The following ZNF556 variants were observed in gnomAD, a reference collection of about 807,000 sequenced individuals.
ZNF556 encodes the protein zinc finger protein 556.
A neutral mutation model predicts 13.6 loss-of-function variants in ZNF556; 11 were observed. That is an observed-to-expected ratio of 0.81 (90% CI 0.51 to 1.33). ZNF556 has a LOEUF of 1.33. Ranked by LOEUF, ZNF556 falls within the 40% of genes most tolerant of loss-of-function variation. The pLI is 0.00. For missense variants in ZNF556, 633 were observed against 566.2 expected (o/e 1.12, Z -1.20); for synonymous variants, 229 against 207.8 (o/e 1.10, Z -0.88).
At position 2,878,086 on chromosome 19, in the gene ZNF556, G is replaced by T. The variant is rs45599940; in HGVS notation, c.1128G>T (p.Gly376=). The part of the protein sequence containing the change: ...REKVYKCETC[G]KTYGWSSSLH... ...AAGTCTATAAATGTGAAACGTGTGGGAAAACGTATGGTTGGTCCTCATCTT... is the reference window on the plus strand; with the variant it reads ...AAGTCTATAAATGTGAAACGTGTGGTAAAACGTATGGTTGGTCCTCATCTT... Residue 376 remains glycine (G), a synonymous_variant, in exon 4 of 4, where the codon GGG becomes GGT. Transcript: ENST00000307635. The T allele has an allele frequency of 1.3e-3, 2,081 of 1,614,152 alleles. 4 individuals carry two copies. Among genetic ancestry groups the T allele is most frequent in the Non-Finnish European group, 1.7e-3 (1,982 of 1,180,034 alleles).
intron 1 of ZNF556, among the ~76,000 whole-genome samples, chr19:2,871,723 A>G (rs2087804232): frequency 6.6e-6 from 1 of 152,212 alleles, no homozygotes; most frequent in Admixed American, 6.6e-5. Context: ...CCATGTGCAG[A>G]GACAAGAGAG....
intron 1 of ZNF556, among the ~76,000 whole-genome samples, chr19:2,867,889 G>A (rs2087770689): frequency 6.6e-6 from 1 of 152,166 alleles, no homozygotes; most frequent in Non-Finnish European, 1.5e-5. Flanking sequence ...TGACCCCAAA[G>A]GCCCGCAGGC....
chr19:2,882,531 A>ATATATATATATATAGTGTGT lies in ZNF556; in HGVS notation c.*4202_*4203insTATATATATATATAGTGTGT, dbSNP rs57053138. ...ATACATTTTATATATATATATATAT[A>ATATATATATATATAGTGTGT]GTGTGTGTGTGTGTGTGTGTGTGTG... is the stretch of plus-strand genomic sequence containing the variant. On this transcript the variant is annotated 3_prime_UTR_variant, in exon 4 of 4. Transcript: ENST00000307635. 15 of 127,718 alleles carry ATATATATATATATAGTGTGT rather than the reference A, an allele frequency of 1.2e-4. No homozygotes were observed. Among genetic ancestry groups the ATATATATATATATAGTGTGT allele is most frequent in the African/African-American group, 4.3e-4 (14 of 32,936 alleles). 7.9% of individuals were successfully genotyped at this position (127,718 alleles called of 1,614,324 possible). A position where few individuals can be genotyped will look rare whatever the true frequency, so the allele number is the denominator to read the frequency against.
At position 2,873,573 on chromosome 19, in the gene ZNF556, ACT is replaced by A; in HGVS notation, c.84_85del (p.Tyr29GlnfsTer16). On this transcript the variant is annotated frameshift_variant, in exon 2 of 4. Coordinates refer to ENST00000307635, the MANE Select transcript of ZNF556 (RefSeq NM_024967.3). LOFTEE classifies it high-confidence loss of function. ...WALLNPAQRKLYRDVMLETFK... is the reference protein window; with the variant it reads ...WALLNPAQRKXYRDVMLETFK... ...CCTTGCTGAATCCTGCTCAGAGAAA[ACT>A]CTACAGAGATGTCATGCTGGAGACC... The A allele has an allele frequency of 6.2e-7, 1 of 1,613,400 alleles. No homozygotes were observed. The highest frequency in any genetic ancestry group is 8.5e-7 in the Non-Finnish European group (1 of 1,179,828).
rs138093838 is a variant in ZNF556 at position 2,874,654 on chromosome 19, G to A, written c.130+1032G>A. ...AGCTACTTGGGAGGCTGAGGCAGCA[G>A]AATCCCTTGAACTCGGGAGGCAGTG... is the stretch of plus-strand genomic sequence containing the variant. On this transcript the variant is annotated intron_variant, in intron 2 of 3. Transcript: ENST00000307635. Among the ~76,000 whole-genome samples, 1,369 of 147,820 alleles carry A rather than the reference G, an allele frequency of 9.3e-3. 25 individuals carry two copies. The highest frequency in any genetic ancestry group is 0.033 in the African/African-American group (1,304 of 39,758).
intron 1 of ZNF556, 147 bp from the exon 2 acceptor site, chr19:2,873,349 A>G: frequency 1.1e-6 from 1 of 890,524 alleles, no homozygotes; most frequent in Non-Finnish European, 1.7e-6. Context: ...GTGATTACAG[A>G]CAGAGGGGAA....
chr19:2,867,883 C>T (rs986415585), intron 1 of ZNF556, among the ~76,000 whole-genome samples: 3 of 152,176 alleles, frequency 2.0e-5, no homozygotes, highest in African/African-American at 7.2e-5. Flanking sequence ...CTGGCCTGAC[C>T]CCAAAGGCCC....
rs879272035 is a variant in ZNF556, at chr19:2,876,719, C to CA, written c.314+455dup. On this transcript the variant is annotated intron_variant, in intron 3 of 3. Coordinates refer to ENST00000307635, the MANE Select transcript of ZNF556 (RefSeq NM_024967.3). ...TGGGCAACAGAGTGAGACTCTATCT[C>CA]AAAAAAAAAAAATGATAATTCTGTT... 2.4e-3 allele frequency among the ~76,000 whole-genome samples: 338 copies of CA among 138,792 alleles called. 1 individual carries two copies. Among genetic ancestry groups the CA allele is most frequent in the East Asian group, 0.021 (100 of 4,768 alleles). 91.1% of individuals were successfully genotyped at this position (138,792 alleles called of 152,430 possible).
intron 3 of ZNF556, 138 bp from the exon 4 acceptor site, chr19:2,877,135 G>T: frequency 1.6e-6 from 1 of 641,228 alleles, no homozygotes; most frequent in Admixed American, 3.3e-5. Flanking sequence ...GTTTGAACCT[G>T]GGAGGCAGAG....
rs1309892337 is a variant in ZNF556 at position 2,876,952 on chromosome 19, C to T, written c.315-321C>T. Among the ~76,000 whole-genome samples the T allele has an allele frequency of 2.0e-5, 3 of 152,074 alleles. No individual in the cohort carries two copies. The East Asian group carries it at 5.8e-4, about 29-fold the overall frequency. ...TAATTGGCCGGTGCAGTGGCTTATG[C>T]CTGTAATCCCAGCACTTTGAGAGGC... On this transcript the variant is annotated intron_variant, in intron 3 of 3. Coordinates refer to ENST00000307635, the MANE Select transcript of ZNF556 (RefSeq NM_024967.3).
chr19:2,873,329 G>A lies in ZNF556; in HGVS notation c.4-167G>A, dbSNP rs185035200. On this transcript the variant is annotated intron_variant, in intron 1 of 3. Transcript: ENST00000307635. Reference sequence around the variant, plus strand: ...ATTTGTCAAAGACAAAAAAACCTACGACACAGGAAGTGATTACAGACAGAG... The same window carrying A: ...ATTTGTCAAAGACAAAAAAACCTACAACACAGGAAGTGATTACAGACAGAG... Among the ~76,000 whole-genome samples the A allele has an allele frequency of 2.0e-3, 298 of 152,214 alleles. 1 individual carries two copies. The highest frequency in any genetic ancestry group is 6.1e-3 in the African/African-American group (254 of 41,534).
intron 1 of ZNF556, among the ~76,000 whole-genome samples, chr19:2,868,124 G>C (rs1209993905): frequency 6.8e-6 from 1 of 147,492 alleles, no homozygotes; most frequent in African/African-American, 2.5e-5. Context: ...TTTATTTTCT[G>C]TTCCTTTTTT....
intron 1 of ZNF556, 83 bp downstream of exon 1, chr19:2,867,507 G>T (rs568353680): frequency 6.5e-7 from 1 of 1,549,566 alleles, no homozygotes; most frequent in South Asian, 1.2e-5. Flanking sequence ...TGAAACTCCC[G>T]GGGGAGCCGC....
chr19:2,871,818 G>A (rs1159514351), intron 1 of ZNF556, among the ~76,000 whole-genome samples: 1 of 152,172 alleles, frequency 6.6e-6, no homozygotes, highest in Admixed American at 6.6e-5. Context: ...GACCGGTAGT[G>A]GCCCCGAATG....
intron 1 of ZNF556, among the ~76,000 whole-genome samples, chr19:2,869,025 T>C (rs911779221): frequency 1.3e-5 from 2 of 152,160 alleles, no homozygotes; most frequent in African/African-American, 4.8e-5. Context: ...GGCCCCTTTA[T>C]CACTCTTTTA....
chr19:2,882,503 TG>T lies in ZNF556; in HGVS notation c.*4175del, dbSNP rs2087911310. Reference sequence around the variant, plus strand: ...AAATATTAAAAATTTTAGGGCATGATGTATACATTTTATATATATATATATA... The same window carrying T: ...AAATATTAAAAATTTTAGGGCATGATTATACATTTTATATATATATATATA... On this transcript the variant is annotated 3_prime_UTR_variant, in exon 4 of 4. Coordinates refer to ENST00000307635, the MANE Select transcript of ZNF556 (RefSeq NM_024967.3). 1 of 148,950 alleles carries T rather than the reference TG, an allele frequency of 6.7e-6. No homozygotes were observed. The highest frequency in any genetic ancestry group is 2.5e-5 in the African/African-American group (1 of 39,544). The allele number at this position is 148,950 out of a possible 1,614,324, so 9.2% of individuals were successfully genotyped here. A position where few individuals can be genotyped will look rare whatever the true frequency, so the allele number is the denominator to read the frequency against.
At position 2,882,565 on chromosome 19, in the gene ZNF556, T is replaced by TGTGTGTGTGTGA. The variant is rs1441523569; in HGVS notation, c.*4237_*4238insTGTGTGTGTGAG. ...GTGTGTGTGTGTGTGTGTGTGTGTG[T>TGTGTGTGTGTGA]GAATGTGTGTGACGGAGTTTTGCTC... is the stretch of plus-strand genomic sequence containing the variant. On this transcript the variant is annotated 3_prime_UTR_variant, in exon 4 of 4. Coordinates refer to ENST00000307635, the MANE Select transcript of ZNF556 (RefSeq NM_024967.3). The TGTGTGTGTGTGA allele has an allele frequency of 1.3e-5, 2 of 150,926 alleles. No homozygotes were observed. The highest frequency in any genetic ancestry group is 1.9e-4 in the East Asian group (1 of 5,198). The allele number at this position is 150,926 out of a possible 1,614,324, so 9.3% of individuals were successfully genotyped here.
Position 2,882,489 on chromosome 19 carries a change from A to G in ZNF556, c.*4160A>G, listed in dbSNP as rs1355040866. The G allele has an allele frequency of 6.6e-6, 1 of 150,672 alleles. No individual in the cohort carries two copies. The highest frequency in any genetic ancestry group is 1.5e-5 in the Non-Finnish European group (1 of 67,878). The allele number at this position is 150,672 out of a possible 1,614,324, so 9.3% of individuals were successfully genotyped here. A position where few individuals can be genotyped will look rare whatever the true frequency, so the allele number is the denominator to read the frequency against. ...AGCCTCATTTCTGCAAATATTAAAAATTTTAGGGCATGATGTATACATTTT... is the reference window on the plus strand; with the variant it reads ...AGCCTCATTTCTGCAAATATTAAAAGTTTTAGGGCATGATGTATACATTTT... On this transcript the variant is annotated 3_prime_UTR_variant, in exon 4 of 4. Coordinates refer to ENST00000307635, the MANE Select transcript of ZNF556 (RefSeq NM_024967.3).
Position 2,877,521 on chromosome 19 carries a change from C to T in ZNF556, c.563C>T (p.Ser188Phe), listed in dbSNP as rs1243094173. Residue 188 changes from serine (S) to phenylalanine (F), a missense_variant, in exon 4 of 4, where the codon TCC (serine) becomes TTC (phenylalanine). Physicochemically the swap from Ser to Phe is radical, Grantham distance 155. Transcript: ENST00000307635. The stretch of plus-strand genomic sequence containing the variant: ...TGTGGGAAAGCCTTCAGTCGCCCTT[C>T]CTACCTACAGACGCATGAGAAAACT... The part of the protein sequence containing the change: ...KECGKAFSRP[S>F]YLQTHEKTHS... The T allele has an allele frequency of 2.5e-6, 4 of 1,614,076 alleles. No homozygotes were observed. The highest frequency in any genetic ancestry group is 1.6e-4 in the Middle Eastern group (1 of 6,062).
Sources: allele counts gnomAD v4.1 joint callset (sites outside exome capture counted in the v4.1 genomes callset), GRCh38; gene constraint gnomAD v4.1.1; transcripts MANE v1.5; gene names NCBI Gene and HGNC (gene_info 2026-07-23, HGNC 2026-07-21).